The following AFF1 variants were observed in gnomAD, a reference collection of about 807,000 sequenced individuals.
AFF1 encodes the protein AF4/FMR2 family member 1.
In AFF1, 48 loss-of-function variants were observed where a neutral mutation model predicts 121.7. The ratio of observed to expected loss-of-function variants is 0.39; its 90% CI spans 0.31 to 0.50. The LOEUF (loss-of-function observed/expected upper bound fraction) is 0.50, where lower values mean the gene tolerates loss of function less well. AFF1 is among the 20% of genes least tolerant of loss of function. The pLI is 0.76. For missense variants in AFF1, 1,523 were observed against 1,511.7 expected (o/e 1.01, Z -0.12); for synonymous variants, 613 against 563.0 (o/e 1.09, Z -1.26).
intron 2 of AFF1, among the ~76,000 whole-genome samples, chr4:86,958,891 A>G (rs1189353849): frequency 1.3e-5 from 2 of 152,272 alleles, no homozygotes; most frequent in East Asian, 3.9e-4. Flanking sequence ...AGTTGCATGT[A>G]TGTCCTACTT....
At chr4:86,941,651 CATAAATAA>C (rs71657599) in intron 1 of AFF1, among the ~76,000 whole-genome samples, 18 of 150,776 alleles carry the variant, frequency 1.2e-4, no homozygotes, top group South Asian at 2.1e-4. Flanking sequence ...GACTCTGTCT[CATAAATAA>C]ATAAATAAAT....
At chr4:87,008,244 T>G (rs576545112) in intron 2 of AFF1, among the ~76,000 whole-genome samples, 24 of 152,298 alleles carry the variant, frequency 1.6e-4, no homozygotes, top group African/African-American at 4.8e-4. Flanking sequence ...TCTCACATAT[T>G]TAAAGTAGTA....
intron 14 of AFF1, 69 bp downstream of exon 14, chr4:87,126,405 C>A: frequency 6.8e-7 from 1 of 1,467,282 alleles, no homozygotes; most frequent in Non-Finnish European, 9.5e-7. Context: ...CCAAAGAAGA[C>A]AAGTTGCTAG....
At chr4:87,116,718 C>T (rs1436573806) in intron 12 of AFF1, among the ~76,000 whole-genome samples, 7 of 152,204 alleles carry the variant, frequency 4.6e-5, no homozygotes, top group Admixed American at 2.0e-4. Context: ...ATGTTTGCAG[C>T]AGGCAAGTTG....
chr4:87,116,025 T>C (rs1276618703), intron 12 of AFF1, among the ~76,000 whole-genome samples: 1 of 152,192 alleles, frequency 6.6e-6, no homozygotes, highest in Non-Finnish European at 1.5e-5. Context: ...TTCTGAATTA[T>C]TAAAAGAACG....
chr4:87,089,458 AGTGT>A (rs1372333319), intron 5 of AFF1, among the ~76,000 whole-genome samples: 1 of 152,218 alleles, frequency 6.6e-6, no homozygotes, highest in African/African-American at 2.4e-5. Context: ...ATTTGCTAAT[AGTGT>A]GTATCAGGGA....
At chr4:86,999,602 AGGTT>A (rs1725523010) in intron 2 of AFF1, among the ~76,000 whole-genome samples, 2 of 152,206 alleles carry the variant, frequency 1.3e-5, no homozygotes, top group African/African-American at 4.8e-5. Context: ...AGAGAAGTTT[AGGTT>A]GGAGTTACAC....
chr4:87,122,854 A>G (rs952033436), intron 12 of AFF1, among the ~76,000 whole-genome samples: 1 of 148,812 alleles, frequency 6.7e-6, no homozygotes, highest in Non-Finnish European at 1.5e-5. Context: ...ATTAAAAACT[A>G]TAAAAGGGGA....
At chr4:86,972,233 T>C (rs1722999858) in intron 2 of AFF1, among the ~76,000 whole-genome samples, 1 of 149,040 alleles carries the variant, frequency 6.7e-6, no homozygotes, top group African/African-American at 2.5e-5. Flanking sequence ...GGAAAATGGG[T>C]CTGTTACATT....
chr4:87,005,078 G>A (rs780048269), intron 2 of AFF1, among the ~76,000 whole-genome samples: 1 of 151,968 alleles, frequency 6.6e-6, no homozygotes, highest in Non-Finnish European at 1.5e-5. Flanking sequence ...CACAATCTCA[G>A]CTCACTGCAA....
intron 2 of AFF1, among the ~76,000 whole-genome samples, chr4:86,975,057 A>G (rs1723206452): frequency 6.6e-6 from 1 of 151,966 alleles, no homozygotes; most frequent in Admixed American, 6.6e-5. Context: ...TCTCTTTGCA[A>G]CCCAATACGC....
intron 5 of AFF1, among the ~76,000 whole-genome samples, chr4:87,089,163 T>C (rs900838068): frequency 2.0e-5 from 3 of 152,144 alleles, no homozygotes; most frequent in East Asian, 1.9e-4. Flanking sequence ...TCTGTAGATG[T>C]TGGGGTTGTA....
At chr4:87,109,287 C>G (rs1726231995) in intron 11 of AFF1, among the ~76,000 whole-genome samples, 1 of 152,174 alleles carries the variant, frequency 6.6e-6, no homozygotes, top group African/African-American at 2.4e-5. Flanking sequence ...ACATCTGGAG[C>G]TAATGTAGGG....
At chr4:87,045,839 A>G (rs1414511361) in intron 2 of AFF1, among the ~76,000 whole-genome samples, 1 of 152,154 alleles carries the variant, frequency 6.6e-6, no homozygotes, top group Non-Finnish European at 1.5e-5. Flanking sequence ...TGAAAATAAA[A>G]ATATCATTAA....
chr4:86,960,848 A>G (rs190736223), intron 2 of AFF1, among the ~76,000 whole-genome samples: 18 of 152,258 alleles, frequency 1.2e-4, no homozygotes, highest in African/African-American at 4.1e-4. Flanking sequence ...GAGGTCAGAG[A>G]CTGCCCTTTG....
chr4:87,049,882 A>T (rs1192206382), intron 4 of AFF1: 6 of 367,428 alleles, frequency 1.6e-5, no homozygotes, highest in Non-Finnish European at 2.7e-5. Flanking sequence ...GGAAGTGGGG[A>T]TCTTGGTGCT....
intron 2 of AFF1, among the ~76,000 whole-genome samples, chr4:87,006,784 C>A (rs775915460): frequency 1.3e-5 from 2 of 152,236 alleles, no homozygotes; most frequent in Non-Finnish European, 2.9e-5. Context: ...TCTCGAGGAG[C>A]CCGCAGGCGG....
intron 1 of AFF1, chr4:86,936,531 G>A (rs1318888458): frequency 6.6e-6 from 1 of 152,208 alleles, no homozygotes; most frequent in Non-Finnish European, 1.5e-5. Flanking sequence ...GTTGGCCTCT[G>A]GGTGGGGATA....
Position 87,125,020 on chromosome 4 carries a change from T to G in AFF1, c.2467-17T>G, listed in dbSNP as rs1429937951. Reference sequence around the variant, plus strand: ...TTATGTTGGTAATAATTTGCTTTGCTGATTATACTGTAATAGGGTGAAGCA... The same window carrying G: ...TTATGTTGGTAATAATTTGCTTTGCGGATTATACTGTAATAGGGTGAAGCA... On this transcript the variant is annotated splice_polypyrimidine_tract_variant and intron_variant, in intron 12 of 20. Coordinates refer to ENST00000395146, the MANE Select transcript of AFF1 (RefSeq NM_001166693.3). The G allele has an allele frequency of 3.2e-6, 5 of 1,557,158 alleles. No individual in the cohort carries two copies. Among genetic ancestry groups the G allele is most frequent in the Non-Finnish European group, 4.3e-6 (5 of 1,150,852 alleles).
Sources: gnomAD v4.1 joint callset for allele counts (sites outside exome capture counted in the v4.1 genomes callset) on GRCh38, gnomAD v4.1.1 for gene constraint, MANE v1.5 for transcripts, NCBI Gene and HGNC (gene_info 2026-07-23, HGNC 2026-07-21) for gene names.